Variants in CLIP2 observed in about 807,000 individuals in gnomAD.
CLIP2 encodes the protein CAP-Gly domain containing linker protein 2, also known as CAP-Gly domain-containing linker protein 2.
In CLIP2, 41 loss-of-function variants were observed where a neutral mutation model predicts 111.7. The ratio of observed to expected loss-of-function variants is 0.37; its 90% CI spans 0.29 to 0.48. The LOEUF (loss-of-function observed/expected upper bound fraction) is 0.48. Among genes scored for constraint, CLIP2 ranks in the 20% least tolerant of loss-of-function variants. The pLI is 0.99. For synonymous variants in CLIP2, 660 were observed against 644.2 expected, an observed-to-expected ratio of 1.02 and a Z score of -0.37; for missense variants, 1,160 against 1,422.1, an observed-to-expected ratio of 0.82 and a Z score of 2.96.
chr7:74,307,329 G>T (rs542197412), intron 1 of CLIP2, among the ~76,000 whole-genome samples: 1 of 152,296 alleles, frequency 6.6e-6, no homozygotes, highest in East Asian at 1.9e-4. Context: ...CCAGACCCGG[G>T]TCTGATTCCA....
chr7:74,297,113 G>C (rs1232861168), intron 1 of CLIP2, among the ~76,000 whole-genome samples: 1 of 152,136 alleles, frequency 6.6e-6, no homozygotes, highest in Non-Finnish European at 1.5e-5. Context: ...GGGAAGAGAT[G>C]CATCTGTACA....
chr7:74,351,399 C>T (rs1290982690), intron 3 of CLIP2, among the ~76,000 whole-genome samples: 7 of 131,432 alleles, frequency 5.3e-5, no homozygotes, highest in Non-Finnish European at 7.6e-5. Context: ...TGTGGTGAGC[C>T]GAGATCACGC....
intron 7 of CLIP2, among the ~76,000 whole-genome samples, chr7:74,362,999 T>C (rs1303184247): frequency 6.6e-6 from 1 of 151,712 alleles, no homozygotes; most frequent in African/African-American, 2.4e-5. Context: ...AAGAGCAGCT[T>C]TGAGCTTTTT....
intron 12 of CLIP2, among the ~76,000 whole-genome samples, chr7:74,386,995 C>T (rs1791126128): frequency 1.4e-5 from 2 of 146,748 alleles, no homozygotes; most frequent in Admixed American, 1.4e-4. Context: ...TGCACTCCAG[C>T]CTGGGTGACA....
intron 1 of CLIP2, among the ~76,000 whole-genome samples, chr7:74,306,631 C>T (rs1320190623): frequency 1.3e-5 from 2 of 152,170 alleles, no homozygotes; most frequent in African/African-American, 2.4e-5. Flanking sequence ...GAAATGCAGC[C>T]GGGGCTTGTC....
intron 1 of CLIP2, among the ~76,000 whole-genome samples, chr7:74,295,172 G>C (rs1788134041): frequency 6.6e-6 from 1 of 152,140 alleles, no homozygotes; most frequent in African/African-American, 2.4e-5. Flanking sequence ...GTGTTGCCCA[G>C]GGTGGTCTCA....
At chr7:74,303,579 C>G (rs1788395037) in intron 1 of CLIP2, among the ~76,000 whole-genome samples, 1 of 151,388 alleles carries the variant, frequency 6.6e-6, no homozygotes, top group African/African-American at 2.4e-5. Context: ...CCTTCTCCCT[C>G]CCCTTGTGTC....
chr7:74,328,868 G>T (rs1789194895), intron 2 of CLIP2, among the ~76,000 whole-genome samples: 1 of 150,784 alleles, frequency 6.6e-6, no homozygotes, highest in South Asian at 2.1e-4. Flanking sequence ...CTCCCAAGTA[G>T]CTGGTGCGCA....
intron 1 of CLIP2, among the ~76,000 whole-genome samples, chr7:74,301,532 G>A (rs1207165049): frequency 3.5e-5 from 5 of 143,130 alleles, no homozygotes; most frequent in African/African-American, 1.3e-4. Context: ...ACAGGCACCC[G>A]CCACAATGCC....
At position 74,376,634 on chromosome 7, in the gene CLIP2, C is replaced by G; in HGVS notation, c.2233C>G (p.Gln745Glu). 2 of 1,613,478 alleles carry G rather than the reference C, an allele frequency of 1.2e-6. No individual in the cohort carries two copies. The highest frequency in any genetic ancestry group is 1.7e-6 in the Non-Finnish European group (2 of 1,179,906). Residue 745 changes from glutamine to glutamate, a missense_variant, in exon 10 of 17, where the codon CAG becomes GAG. Physicochemically the swap from Gln to Glu is conservative, Grantham distance 29 (BLOSUM62 2). This residue lies in a region of CLIP2 where 676 missense variants were observed against 777.8 expected (regional missense o/e 0.87). Transcript: ENST00000223398. This position sits in a 1 kb window ranked among gnomAD's most constrained non-coding sequence, Gnocchi z 7.1. The stretch of plus-strand genomic sequence containing the variant: ...AAAACTGGACGTGGAGTACCGGGGC[C>G]AGGCGCAGGCTATCGAGTTCCTCAA... ...LEKLDVEYRG[Q>E]AQAIEFLKEQ...
rs782770325 is a variant in CLIP2, at chr7:74,338,701, C to T, written c.375C>T (p.Gly125=). The T allele has an allele frequency of 1.2e-5, 19 of 1,584,854 alleles. No homozygotes were observed. The Admixed American group carries it at 2.8e-4, about 24-fold the overall frequency. ...DPVGKNDGAV[G]GVRYFECPAL... is the part of the protein sequence containing the mutation. ...TGGGCAAGAATGATGGCGCGGTGGG[C>T]GGCGTGCGCTACTTCGAGTGCCCGG... is the stretch of plus-strand genomic sequence containing the variant. The change falls in exon 3 of 17, where the codon GGC becomes GGT. Residue 125 remains glycine (G), a synonymous_variant. Transcript: ENST00000223398. The surrounding 1 kb of genome is among the most constrained non-coding windows in gnomAD (Gnocchi z 4.3).
rs782462347 is a variant in CLIP2 at position 74,338,894 on chromosome 7, A to G, written c.568A>G (p.Ser190Gly). ...CAGCCGCGTCATCCCCCTGCGGGAG[A>G]GCGTCCTCAACAGCTCCGTGAAGAC... is the stretch of plus-strand genomic sequence containing the variant. ...LTSRVIPLRESVLNSSVKTGN... is the reference protein window; with the variant it reads ...LTSRVIPLREGVLNSSVKTGN... The change falls in exon 3 of 17, where the codon AGC becomes GGC. Residue 190 changes from serine to glycine, a missense_variant. Ser to Gly is a moderately conservative substitution (Grantham distance 56, BLOSUM62 0). This residue lies in a region of CLIP2 where 301 missense variants were observed against 315.2 expected (regional missense o/e 0.96). Coordinates refer to ENST00000223398, the MANE Select transcript of CLIP2 (RefSeq NM_003388.5). This position sits in a 1 kb window ranked among gnomAD's most constrained non-coding sequence, Gnocchi z 4.3. The G allele has an allele frequency of 1.9e-6, 3 of 1,605,076 alleles. No homozygotes were observed. The highest frequency in any genetic ancestry group is 1.1e-5 in the South Asian group (1 of 91,076).
chr7:74,321,479 A>AT (rs1303097029), intron 2 of CLIP2, among the ~76,000 whole-genome samples: 1 of 151,248 alleles, frequency 6.6e-6, no homozygotes, highest in Non-Finnish European at 1.5e-5. Context: ...TATTATTATT[A>AT]TTTTTTTTGA....
chr7:74,389,110 G>A lies in CLIP2; in HGVS notation c.2571G>A (p.Glu857=). The A allele has an allele frequency of 6.2e-7, 1 of 1,610,648 alleles. No homozygotes were observed. Among genetic ancestry groups the A allele is most frequent in the Non-Finnish European group, 8.5e-7 (1 of 1,178,802 alleles). The change falls in exon 13 of 17, where the codon GAG becomes GAA. Residue 857 remains glutamate, a synonymous_variant. Coordinates refer to ENST00000223398, the MANE Select transcript of CLIP2 (RefSeq NM_003388.5). ...CCTGCCGGCTGACCCCAGCGCTGGA[G>A]AGCAAGTGTAAGTCAGGCGAGAAGA... ...EMLRAQVSAL[E]SKCKSGEKKV...
chr7:74,351,730 G>A (rs186471673), intron 3 of CLIP2, among the ~76,000 whole-genome samples: 4 of 152,240 alleles, frequency 2.6e-5, no homozygotes, highest in African/African-American at 7.2e-5. Context: ...CAGCTACTCC[G>A]GAGGCTGATG....
intron 2 of CLIP2, among the ~76,000 whole-genome samples, chr7:74,336,427 G>A (rs1324848348): frequency 6.6e-6 from 1 of 152,006 alleles, no homozygotes; most frequent in East Asian, 1.9e-4. Context: ...CCATGTGGCT[G>A]GGGAGGCCTC....
chr7:74,327,394 C>A (rs1310003751), intron 2 of CLIP2, among the ~76,000 whole-genome samples: 3 of 152,134 alleles, frequency 2.0e-5, no homozygotes, highest in Non-Finnish European at 4.4e-5. Flanking sequence ...TGAGCCACTT[C>A]ACTCGGTCAG....
In CLIP2 at chr7:74,401,520, G is replaced by T; in HGVS notation, c.3082G>T (p.Gly1028Cys). The T allele has an allele frequency of 1.2e-6, 2 of 1,614,108 alleles. No individual in the cohort carries two copies. Among genetic ancestry groups the T allele is most frequent in the South Asian group, 1.1e-5 (1 of 91,056 alleles). Residue 1028 changes from glycine (G) to cysteine (C), a missense_variant, in exon 16 of 17, where the codon GGT becomes TGT. Physicochemically the swap from Gly to Cys is radical, Grantham distance 159. Coordinates refer to ENST00000223398, the MANE Select transcript of CLIP2 (RefSeq NM_003388.5). Reference sequence around the variant, plus strand: ...ACTCTTCCAGACCATCGGCAATTCCGGTTCTGCAAACGGCATCCACCAGCA... The same window carrying T: ...ACTCTTCCAGACCATCGGCAATTCCTGTTCTGCAAACGGCATCCACCAGCA... ...PDKAQTIGNS[G>C]SANGIHQQDK... is the part of the protein sequence containing the mutation.
rs1202875069 is a variant in CLIP2, at chr7:74,336,862, T to G, written c.122-1586T>G. ...TACTATGGTTGTTTGTTTTTTTTGT[T>G]TTTTTTTTTTTTGTTTTTTTTTGTT... On this transcript the variant is annotated intron_variant, in intron 2 of 16. Coordinates refer to ENST00000223398, the MANE Select transcript of CLIP2 (RefSeq NM_003388.5). 4.3e-4 allele frequency among the ~76,000 whole-genome samples: 7 copies of G among 16,440 alleles called. No homozygotes were observed. The East Asian group carries it at 0.035, about 82-fold the overall frequency. The allele number at this position is 16,440 out of a possible 152,430, so 10.8% of individuals were successfully genotyped here.
Sources: gnomAD v4.1 joint callset for allele counts (sites outside exome capture counted in the v4.1 genomes callset) on GRCh38, gnomAD v4.1.1 for gene constraint, gnomAD v4.1.1 regional missense constraint, Gnocchi (gnomAD v3.1) non-coding constraint, MANE v1.5 for transcripts, NCBI Gene and HGNC (gene_info 2026-07-23, HGNC 2026-07-21) for gene names.